INSL6: variants seen among roughly 807,000 people sequenced by gnomAD.
INSL6 encodes the protein insulin-like peptide INSL6.
A neutral mutation model predicts 9.4 loss-of-function variants in INSL6; 16 were observed. That is an observed-to-expected ratio of 1.70 (90% CI 1.15 to 2.59). The LOEUF (loss-of-function observed/expected upper bound fraction) is 2.59. Ranked by LOEUF, INSL6 falls within the 30% of genes most tolerant of loss-of-function variation. The pLI, the probability that INSL6 is intolerant of heterozygous loss-of-function variation, is 0.00. For synonymous variants in INSL6, 154 were observed against 96.9 expected (o/e 1.59, Z -3.46); for missense variants, 391 against 257.3 (o/e 1.52, Z -3.56).
At chr9:5,009,666 G>A in the INSL6 span, among the ~76,000 whole-genome samples, 12,818 of 152,004 alleles carry the variant, frequency 0.084, 1,580 homozygotes, top group African/African-American at 0.28. Context: ...CATCCTAACT[G>A]TAATAATCCT....
At chr9:5,163,719 G>C, downstream of INSL6, 1 of 542,334 alleles carries the variant, frequency 1.8e-6, no homozygotes, top group Non-Finnish European at 3.3e-6. Context: ...AAAAGCGTAT[G>C]AAAACTAAGG....
the INSL6 span, among the ~76,000 whole-genome samples, chr9:5,117,469 G>T: frequency 6.6e-6 from 1 of 152,088 alleles, no homozygotes; most frequent in African/African-American, 2.4e-5. Context: ...CATAATAATG[G>T]ATGTTATTTG....
the INSL6 span, among the ~76,000 whole-genome samples, chr9:5,088,844 A>T: frequency 1.3e-5 from 2 of 152,022 alleles, no homozygotes; most frequent in African/African-American, 4.8e-5. Context: ...TTCCACCCTT[A>T]TAACCTAATT....
intron 3 of INSL6, chr9:5,128,172 T>C (rs536857405): frequency 2.6e-5 from 6 of 232,100 alleles, no homozygotes; most frequent in Non-Finnish European, 4.3e-5. Flanking sequence ...AAGAAAATAG[T>C]TTCTTACTTT....
At chr9:5,113,963 AG>A in the INSL6 span, 1 of 272,684 alleles carries the variant, frequency 3.7e-6, no homozygotes, top group Non-Finnish European at 7.3e-6. Context: ...GGGTACACCC[AG>A]GTGCCATCAG....
chr9:5,068,346 A>T, the INSL6 span, among the ~76,000 whole-genome samples: 1 of 152,192 alleles, frequency 6.6e-6, no homozygotes, highest in African/African-American at 2.4e-5. Context: ...AATATTTAAA[A>T]ACTGCAAAAT....
intron 2 of INSL6, among the ~76,000 whole-genome samples, chr9:5,142,832 G>C (rs887878550): frequency 4.6e-5 from 7 of 152,048 alleles, no homozygotes; most frequent in African/African-American, 1.7e-4. Flanking sequence ...ATTGGCTGTG[G>C]GCTTGTCATA....
chr9:5,081,137 C>T, the INSL6 span, among the ~76,000 whole-genome samples: 22 of 151,922 alleles, frequency 1.4e-4, no homozygotes, highest in African/African-American at 4.3e-4. Context: ...TCTTGTGATC[C>T]GCCCGCCTCG....
the INSL6 span, among the ~76,000 whole-genome samples, chr9:5,036,432 C>T: frequency 6.6e-6 from 1 of 151,978 alleles, no homozygotes; most frequent in Non-Finnish European, 1.5e-5. Flanking sequence ...AATCCTAAGC[C>T]AAAAGAACAA....
the INSL6 span, among the ~76,000 whole-genome samples, chr9:5,075,712 G>A: frequency 7.2e-5 from 11 of 152,166 alleles, no homozygotes; most frequent in Non-Finnish European, 1.0e-4. Context: ...TTATTTTCAG[G>A]CCTGGTGACA....
chr9:5,132,924 G>A (rs1053956622), intron 3 of INSL6: 1 of 152,190 alleles, frequency 6.6e-6, no homozygotes, highest in Non-Finnish European at 1.5e-5. Context: ...CCTAATCATA[G>A]TTTTCAGGGA....
chr9:5,078,761 A>G, the INSL6 span, among the ~76,000 whole-genome samples: 2 of 152,142 alleles, frequency 1.3e-5, no homozygotes, highest in Non-Finnish European at 2.9e-5. Flanking sequence ...AATTTTCTAA[A>G]TATTCTTTTC....
At chr9:5,029,628 G>A in the INSL6 span, among the ~76,000 whole-genome samples, 1 of 152,230 alleles carries the variant, frequency 6.6e-6, no homozygotes, top group African/African-American at 2.4e-5. Context: ...TAATAATTCA[G>A]TTGTAGGGGT....
rs547332562 is a variant in INSL6 at position 5,129,521 on chromosome 9, G to A, written c.*10+3904C>T. 2.0e-5 allele frequency among the ~76,000 whole-genome samples: 3 copies of A among 151,920 alleles called. No individual in the cohort carries two copies. In the East Asian group the frequency reaches 5.8e-4, roughly 29 times the overall value. ...CTAATGAAAGTTTCTCTAATTTGGG[G>A]GCATAATGTACTAAGAATCAGTTTG... On this transcript the variant is annotated intron_variant, in intron 3 of 3. Coordinates refer to the INSL6 transcript ENST00000649639.
At chr9:5,084,248 G>A in the INSL6 span, among the ~76,000 whole-genome samples, 1 of 152,116 alleles carries the variant, frequency 6.6e-6, no homozygotes, top group Non-Finnish European at 1.5e-5. Context: ...ATATTTTAAT[G>A]TGGATATTTC....
chr9:4,999,678 G>A, the INSL6 span, among the ~76,000 whole-genome samples: 3 of 152,112 alleles, frequency 2.0e-5, no homozygotes, highest in African/African-American at 7.2e-5. Context: ...GGCAGGAAGC[G>A]TCTTGGCTAA....
intron 2 of INSL6, among the ~76,000 whole-genome samples, chr9:5,141,812 G>A (rs1586859162): frequency 6.6e-6 from 1 of 152,262 alleles, no homozygotes; most frequent in African/African-American, 2.4e-5. Flanking sequence ...GTCCTGAACG[G>A]TATTGCCTAG....
chr9:5,011,319 G>A, the INSL6 span, among the ~76,000 whole-genome samples: 4 of 152,064 alleles, frequency 2.6e-5, no homozygotes, highest in Non-Finnish European at 5.9e-5. Context: ...CCAAGTAGCT[G>A]GGACTACGGG....
chr9:5,092,472 T>G, the INSL6 span, among the ~76,000 whole-genome samples: 1 of 152,124 alleles, frequency 6.6e-6, no homozygotes, highest in Non-Finnish European at 1.5e-5. Flanking sequence ...CCTGGTCACT[T>G]TGAGCCAACC....
Sources: gnomAD v4.1 joint callset for allele counts (sites outside exome capture counted in the v4.1 genomes callset) on GRCh38, gnomAD v4.1.1 for gene constraint, MANE v1.5 for transcripts, NCBI Gene and HGNC (gene_info 2026-07-23, HGNC 2026-07-21) for gene names.